ANKRD30BL: variants seen among roughly 807,000 people sequenced by gnomAD.
The protein encoded by ANKRD30BL is putative ankyrin repeat domain-containing protein 30B-like.
Under a neutral mutation model 18.4 loss-of-function variants are expected in ANKRD30BL, and 20 were observed. The observed-to-expected ratio is 1.09, with a 90% CI of 0.77 to 1.58. The LOEUF is 1.58. ANKRD30BL is among the 40% of genes most tolerant of loss of function. ANKRD30BL has a pLI of 0.00. For missense variants in ANKRD30BL, 224 were observed against 268.6 expected, an observed-to-expected ratio of 0.83 and a Z score of 1.16; for synonymous variants, 72 against 100.9, an observed-to-expected ratio of 0.71 and a Z score of 1.72.
intron 1 of ANKRD30BL, among the ~76,000 whole-genome samples, chr2:132,175,143 G>A (rs1400805150): frequency 6.6e-6 from 1 of 152,162 alleles, no homozygotes; most frequent in East Asian, 1.9e-4. Context: ...CAGGGGACTG[G>A]CGCTCAGCAT....
intron 1 of ANKRD30BL, among the ~76,000 whole-genome samples, chr2:132,213,481 T>C (rs1679408742): frequency 6.6e-6 from 1 of 151,970 alleles, no homozygotes; most frequent in Non-Finnish European, 1.5e-5. Context: ...ATATCTTCAC[T>C]TAACAACTAG....
At chr2:132,202,506 T>C (rs1372099061) in intron 1 of ANKRD30BL, among the ~76,000 whole-genome samples, 9 of 151,428 alleles carry the variant, frequency 5.9e-5, no homozygotes, top group Admixed American at 5.9e-4. Flanking sequence ...TAATCAGAAA[T>C]TTCAAAAAAA....
intron 1 of ANKRD30BL, among the ~76,000 whole-genome samples, chr2:132,241,023 G>A (rs976642819): frequency 6.6e-5 from 10 of 152,106 alleles, no homozygotes; most frequent in South Asian, 2.1e-4. Flanking sequence ...AAACTAGACA[G>A]AAGCATTCTC....
At chr2:132,194,055 T>TCTCA (rs1259057333) in intron 1 of ANKRD30BL, among the ~76,000 whole-genome samples, 8 of 127,766 alleles carry the variant, frequency 6.3e-5, no homozygotes, top group African/African-American at 2.6e-4. Context: ...TCTCTCTCTC[T>TCTCA]CACACACACA....
chr2:132,196,168 GA>G (rs1177610056), intron 1 of ANKRD30BL, among the ~76,000 whole-genome samples: 6 of 150,966 alleles, frequency 4.0e-5, no homozygotes, highest in South Asian at 4.2e-4. Flanking sequence ...AAAAGAAAAA[GA>G]AAAAAATATA....
chr2:132,221,403 G>A (rs1357974160), intron 1 of ANKRD30BL, among the ~76,000 whole-genome samples: 55 of 131,622 alleles, frequency 4.2e-4, no homozygotes, highest in Admixed American at 1.1e-3. Flanking sequence ...CAGCCGCCCC[G>A]TCCGGGAGGG....
chr2:132,208,926 G>A (rs1679264161), intron 1 of ANKRD30BL, among the ~76,000 whole-genome samples: 1 of 151,338 alleles, frequency 6.6e-6, no homozygotes, highest in Admixed American at 6.6e-5. Flanking sequence ...TTTTGATTTA[G>A]CACTTTTGAA....
intron 1 of ANKRD30BL, among the ~76,000 whole-genome samples, chr2:132,201,477 C>T (rs1164964804): frequency 1.3e-5 from 2 of 152,128 alleles, no homozygotes; most frequent in Admixed American, 1.3e-4. Context: ...AAAAAGTGGG[C>T]AAAGGACATG....
At chr2:132,216,726 G>C (rs962297108) in intron 1 of ANKRD30BL, among the ~76,000 whole-genome samples, 1 of 151,692 alleles carries the variant, frequency 6.6e-6, no homozygotes, top group African/African-American at 2.4e-5. Context: ...GAAGCATTGA[G>C]GCCTTCATTG....
At chr2:132,153,652 T>A (rs762163411) in intron 4 of ANKRD30BL, 2 of 1,241,210 alleles carry the variant, frequency 1.6e-6, no homozygotes, top group African/African-American at 1.5e-5. Context: ...GCTTGCCAAC[T>A]ATCTCTGATG....
In ANKRD30BL at chr2:132,204,806, GATTT is replaced by G. The variant is rs1395950127; in HGVS notation, n.442-47664_442-47661del. ...GATGGGCAATGCTTTAAAAGAAATA[GATTT>G]ATTTGCCAAAATATAAAATGTGTTT... On this transcript the variant is annotated intron_variant and non_coding_transcript_variant, in intron 1 of 4. Coordinates refer to the ANKRD30BL transcript ENST00000470729. Among the ~76,000 whole-genome samples, 6 of 152,234 alleles carry G rather than the reference GATTT, an allele frequency of 3.9e-5. No homozygotes were observed. The South Asian group carries it at 8.3e-4, about 21-fold the overall frequency.
At chr2:132,228,734 G>C (rs1462975319) in intron 1 of ANKRD30BL, among the ~76,000 whole-genome samples, 5 of 145,070 alleles carry the variant, frequency 3.4e-5, no homozygotes. Context: ...CGGACATTTG[G>C]AGTGCTTTGT....
At chr2:132,234,307 G>T (rs1393737224) in intron 1 of ANKRD30BL, among the ~76,000 whole-genome samples, 2 of 151,968 alleles carry the variant, frequency 1.3e-5, no homozygotes, top group African/African-American at 4.8e-5. Context: ...ACATTCAAAA[G>T]CTAGCAGAAG....
intron 1 of ANKRD30BL, among the ~76,000 whole-genome samples, chr2:132,177,604 ACACT>A (rs1452773136): frequency 6.6e-6 from 1 of 152,230 alleles, no homozygotes; most frequent in Non-Finnish European, 1.5e-5. Context: ...AAACACTCGC[ACACT>A]CAGAGAGTCT....
intron 1 of ANKRD30BL, among the ~76,000 whole-genome samples, chr2:132,221,750 G>T (rs1480561971): frequency 9.4e-6 from 1 of 106,666 alleles, no homozygotes; most frequent in Non-Finnish European, 1.8e-5. Context: ...GGGCGCCTCT[G>T]CCCGGCCGCC....
intron 1 of ANKRD30BL, among the ~76,000 whole-genome samples, chr2:132,158,805 T>C (rs1687979748): frequency 6.6e-6 from 1 of 150,752 alleles, no homozygotes; most frequent in Non-Finnish European, 1.5e-5. Flanking sequence ...CTATATATAA[T>C]AAAAATATGT....
intron 1 of ANKRD30BL, among the ~76,000 whole-genome samples, chr2:132,231,580 A>G (rs1680014671): frequency 6.6e-6 from 1 of 152,178 alleles, no homozygotes; most frequent in Non-Finnish European, 1.5e-5. Context: ...GGGGTGACAG[A>G]TGCACCTGGA....
upstream of ANKRD30BL, among the ~76,000 whole-genome samples, chr2:132,165,558 CA>C (rs71001174): frequency 0.074 from 9,980 of 135,062 alleles, 660 homozygotes; most frequent in East Asian, 0.28. Context: ...TAGTAAAATA[CA>C]AAAAAAAAAA....
chr2:132,148,824 AGAT>A (rs1017987505), intron 5 of ANKRD30BL, among the ~76,000 whole-genome samples: 7 of 152,352 alleles, frequency 4.6e-5, no homozygotes, highest in South Asian at 2.1e-4. Context: ...ATAATAAAAA[AGAT>A]GATAATAACA....
Sources: allele counts gnomAD v4.1 joint callset (sites outside exome capture counted in the v4.1 genomes callset), GRCh38; gene constraint gnomAD v4.1.1; transcripts MANE v1.5; gene names NCBI Gene and HGNC (gene_info 2026-07-23, HGNC 2026-07-21).